Variants in CPLANE1 observed in about 807,000 individuals in gnomAD.
CPLANE1 encodes the protein ciliogenesis and planar polarity effector 1.
CPLANE1 carries 263 observed loss-of-function variants against 362.5 expected under a neutral mutation model. That is an observed-to-expected ratio of 0.73 (90% CI 0.66 to 0.80). CPLANE1 has a LOEUF of 0.80. Among genes scored for constraint, CPLANE1 ranks in the 30% least tolerant of loss-of-function variants. The pLI, the probability that CPLANE1 is intolerant of heterozygous loss-of-function variation, is 0.00. For missense variants in CPLANE1, 3,461 were observed against 3,793.4 expected (o/e 0.91, Z 2.30); for synonymous variants, 1,212 against 1,302.6 (o/e 0.93, Z 1.50).
At chr5:37,125,088 AT>A (rs1226974577) in intron 47 of CPLANE1, 155 bp downstream of exon 47, 1 of 1,376,326 alleles carries the variant, frequency 7.3e-7, no homozygotes, top group Non-Finnish European at 9.6e-7. Context: ...TTTTAAGATA[AT>A]TTATTAACTT....
intron 41 of CPLANE1, among the ~76,000 whole-genome samples, chr5:37,154,459 CTTTTTTTTT>C (rs35522666): frequency 5.9e-5 from 5 of 84,576 alleles, no homozygotes; most frequent in Admixed American, 1.4e-4. Context: ...TGCAATAGTT[CTTTTTTTTT>C]TTTTTTTTTT....
intron 32 of CPLANE1, 127 bp from the exon 33 acceptor site, chr5:37,170,458 T>G: frequency 2.9e-6 from 3 of 1,039,818 alleles, no homozygotes; most frequent in Non-Finnish European, 4.1e-6. Flanking sequence ...GAATCATGAA[T>G]GCTGAGCAGG....
chr5:37,121,945 T>A (rs1762773663), intron 48 of CPLANE1, among the ~76,000 whole-genome samples, 161 bp from the exon 49 acceptor site: 1 of 151,824 alleles, frequency 6.6e-6, no homozygotes, highest in African/African-American at 2.4e-5. Context: ...AATGGCGTGA[T>A]CTCGGCTCAC....
chr5:37,092,675 G>C, the CPLANE1 span, among the ~76,000 whole-genome samples: 1,037 of 152,258 alleles, frequency 6.8e-3, 8 homozygotes, highest in African/African-American at 0.024. Context: ...CAATATCCCA[G>C]ACCCCAAGTA....
chr5:37,167,277 A>AAAAGACTG, intron 34 of CPLANE1, 64 bp from the exon 35 acceptor site: 1 of 1,270,412 alleles, frequency 7.9e-7, no homozygotes, highest in Non-Finnish European at 1.1e-6. Flanking sequence ...ATATTTCAAC[A>AAAAGACTG]AAAGACTGAG....
chr5:37,184,890 C>T lies in CPLANE1; in HGVS notation c.4379G>A (p.Ser1460Asn). The T allele has an allele frequency of 6.2e-7, 1 of 1,614,106 alleles. No homozygotes were observed. The change falls in exon 25 of 53, where the codon AGT becomes AAT. Residue 1460 changes from serine (S) to asparagine (N), a missense_variant. Transcript: ENST00000651892. ...AGAATCTCCTAGTTCTGTGAGTGTA[C>T]TTCTGCTCAAACTAGTCCCCAGGGA... Reference protein sequence around the residue: ...RYSLGTSLSRSTLTELGDSVV... With the variant: ...RYSLGTSLSRNTLTELGDSVV...
chr5:37,227,631 T>A lies in CPLANE1; in HGVS notation c.1308A>T (p.Arg436Ser), dbSNP rs1481127855. 1.9e-6 allele frequency: 3 copies of A among 1,551,356 alleles called. No individual in the cohort carries two copies. The Admixed American group carries it at 5.9e-5, about 30-fold the overall frequency. ...LDSLSPSVHMRSLLLDSTQRL... is the reference protein window; with the variant it reads ...LDSLSPSVHMSSLLLDSTQRL... ...TCTGGGTTGAATCAAGTAGAAGTGA[T>A]CTCATGTGTACTGATGGAGATAGGC... Residue 436 changes from arginine to serine, a missense_variant, in exon 10 of 53, where the codon AGA becomes AGT. Arg to Ser is a moderately radical substitution (Grantham distance 110, BLOSUM62 -1). Transcript: ENST00000651892.
intron 46 of CPLANE1, among the ~76,000 whole-genome samples, chr5:37,126,346 T>G (rs1764123979): frequency 6.6e-6 from 1 of 152,194 alleles, no homozygotes; most frequent in Admixed American, 6.5e-5. Flanking sequence ...CCCAAATTAA[T>G]GGACTAAGCA....
In CPLANE1 at chr5:37,168,640, A is replaced by G. The variant is rs560904856; in HGVS notation, c.7233+151T>C. The G allele has an allele frequency of 5.6e-5, 37 of 661,772 alleles. No individual in the cohort carries two copies. The African/African-American group carries it at 6.4e-4, about 11-fold the overall frequency. 41.0% of individuals were successfully genotyped at this position (661,772 alleles called of 1,614,324 possible). A position where few individuals can be genotyped will look rare whatever the true frequency, so the allele number is the denominator to read the frequency against. ...GGCATGAGCCACCATGCCCAGCTAC[A>G]ATCATTATTTTAAACCTAATTTTTA... is the stretch of plus-strand genomic sequence containing the variant. On this transcript the variant is annotated intron_variant, in intron 34 of 52. Transcript: ENST00000651892.
chr5:37,133,413 T>G (rs1273133960), intron 46 of CPLANE1, among the ~76,000 whole-genome samples: 1 of 152,118 alleles, frequency 6.6e-6, no homozygotes, highest in Non-Finnish European at 1.5e-5. Context: ...ATGGGATGTT[T>G]TCTATGTTTT....
At chr5:37,204,495 AT>A (rs1440851647) in intron 18 of CPLANE1, among the ~76,000 whole-genome samples, 2 of 152,162 alleles carry the variant, frequency 1.3e-5, no homozygotes, top group Non-Finnish European at 2.9e-5. Flanking sequence ...TTTTAATACC[AT>A]TTTGAACTTT....
At position 37,121,741 on chromosome 5, in the gene CPLANE1, A is replaced by T; in HGVS notation, c.9061T>A (p.Tyr3021Asn). Reference protein sequence around the residue: ...EHYSRRISQAYGLMNELLSES... With the variant: ...EHYSRRISQANGLMNELLSES... The stretch of plus-strand genomic sequence containing the variant: ...GATAACAGTTCATTCATCAGACCGT[A>T]CGCTTGTGAGATTCGACGACTATAG... Residue 3021 changes from tyrosine to asparagine, a missense_variant, in exon 49 of 53, where the codon TAC becomes AAC. By Grantham distance (143) the Tyr-to-Asn change is moderately radical (BLOSUM62 -2). Around this residue, in one of 2 missense-constraint regions of CPLANE1, gnomAD observed 3,380 missense variants for 3,666.1 expected, o/e 0.92. Coordinates refer to ENST00000651892, the MANE Select transcript of CPLANE1 (RefSeq NM_001384732.1). The T allele has an allele frequency of 6.2e-7, 1 of 1,614,102 alleles. No homozygotes were observed. Among genetic ancestry groups the T allele is most frequent in the Middle Eastern group, 1.6e-4 (1 of 6,062 alleles).
chr5:37,180,986 G>A lies in CPLANE1; in HGVS notation c.5441C>T (p.Thr1814Ile). Residue 1814 changes from threonine (T) to isoleucine (I), a missense_variant, in exon 27 of 53, where the codon ACT becomes ATT. Physicochemically the swap from Thr to Ile is moderately conservative, Grantham distance 89. This residue lies in a region of CPLANE1 where 3,380 missense variants were observed against 3,666.1 expected (regional missense o/e 0.92). Coordinates refer to ENST00000651892, the MANE Select transcript of CPLANE1 (RefSeq NM_001384732.1). ...AATATTGGGTCCAATCTGACACCCA[G>A]TGTCACGATTCTCTACCATCTAAAG... ...AIIKMVENRD[T>I]GCQIGPNIER... is the part of the protein sequence containing the mutation. 1 of 1,613,870 alleles carries A rather than the reference G, an allele frequency of 6.2e-7. No homozygotes were observed. The highest frequency in any genetic ancestry group is 8.5e-7 in the Non-Finnish European group (1 of 1,179,944).
chr5:37,244,260 C>A, intron 5 of CPLANE1, 115 bp downstream of exon 5: 1 of 614,150 alleles, frequency 1.6e-6, no homozygotes. Flanking sequence ...AATATCTTTT[C>A]CATACAAGAA....
chr5:37,130,394 A>T (rs560653195), intron 46 of CPLANE1: 24 of 202,592 alleles, frequency 1.2e-4, no homozygotes, highest in South Asian at 4.5e-4. Context: ...AAATTAATTT[A>T]AAAAAAAAGA....
At chr5:37,085,765 G>C in the CPLANE1 span, 11 of 1,433,994 alleles carry the variant, frequency 7.7e-6, no homozygotes, top group Non-Finnish European at 1.1e-5. Context: ...ACAAACCATG[G>C]ATTTCTCTTC....
intron 12 of CPLANE1, among the ~76,000 whole-genome samples, chr5:37,225,209 C>T (rs1796190377): frequency 6.6e-6 from 1 of 151,702 alleles, no homozygotes; most frequent in Non-Finnish European, 1.5e-5. Flanking sequence ...TCAAGCAATC[C>T]TCCCATCTCA....
intron 8 of CPLANE1, among the ~76,000 whole-genome samples, chr5:37,232,909 A>G (rs998486604): frequency 6.6e-6 from 1 of 151,880 alleles, no homozygotes; most frequent in African/African-American, 2.4e-5. Flanking sequence ...GGTAGCATGT[A>G]ACTCCTCCAT....
intron 16 of CPLANE1, chr5:37,210,127 C>G (rs1792176437): frequency 2.2e-6 from 2 of 928,328 alleles, no homozygotes. Flanking sequence ...GCTTGTCAAG[C>G]AAAATCTGAA....
Sources: gnomAD v4.1 joint callset for allele counts (sites outside exome capture counted in the v4.1 genomes callset) on GRCh38, gnomAD v4.1.1 for gene constraint, gnomAD v4.1.1 regional missense constraint, MANE v1.5 for transcripts, NCBI Gene and HGNC (gene_info 2026-07-23, HGNC 2026-07-21) for gene names.